The following CASD1 variants were observed in gnomAD, a reference collection of about 807,000 sequenced individuals.
CASD1 encodes the protein CAS1 domain sialic acid O acetyltransferase 1, also known as N-acetylneuraminate (7)9-O-acetyltransferase.
CASD1 carries 41 observed loss-of-function variants against 100.0 expected under a neutral mutation model. That is an observed-to-expected ratio of 0.41 (90% confidence interval 0.32 to 0.53). CASD1 has a LOEUF of 0.53. Ranked by LOEUF, CASD1 falls within the 20% of genes least tolerant of loss-of-function variation. The probability of loss-of-function intolerance (pLI) is 0.25; values close to 1 mark genes in which losing one functional copy is unlikely to be tolerated. For synonymous variants in CASD1, 321 were observed against 315.6 expected, an observed-to-expected ratio of 1.02 and a Z score of -0.18; for missense variants, 774 against 948.7, an observed-to-expected ratio of 0.82 and a Z score of 2.42.
intron 1 of CASD1, among the ~76,000 whole-genome samples, chr7:94,517,105 T>C (rs909791035): frequency 6.6e-6 from 1 of 152,134 alleles, no homozygotes; most frequent in Non-Finnish European, 1.5e-5. Flanking sequence ...TGTTTCACCA[T>C]GTTGGCCAGG....
rs749920223 is a variant in CASD1 at position 94,554,553 on chromosome 7, G to C, written c.2105G>C (p.Trp702Ser). 24 of 1,610,502 alleles carry C rather than the reference G, an allele frequency of 1.5e-5. No homozygotes were observed. The South Asian group carries it at 1.5e-4, about 10-fold the overall frequency. The change falls in exon 17 of 18, where the codon TGG (tryptophan) becomes TCG (serine). Residue 702 changes from tryptophan (W) to serine (S), a missense_variant. By Grantham distance (177) the Trp-to-Ser change is radical. Transcript: ENST00000297273. ...ARSVYSSFFAWFGKISLELFI... is the reference protein window; with the variant it reads ...ARSVYSSFFASFGKISLELFI... ...TCAGTTTACAGTTCATTTTTTGCTT[G>C]GTTTGGAAAAATTTCATTAGAGGTT... is the stretch of plus-strand genomic sequence containing the variant.
chr7:94,593,867 A>G, the CASD1 span, among the ~76,000 whole-genome samples: 3 of 152,068 alleles, frequency 2.0e-5, no homozygotes, highest in Non-Finnish European at 4.4e-5. Flanking sequence ...GGATTTTCCA[A>G]TCCTGAAACT....
chr7:94,529,210 T>TCC (rs1794730279), intron 5 of CASD1, among the ~76,000 whole-genome samples: 2 of 152,222 alleles, frequency 1.3e-5, no homozygotes, highest in African/African-American at 2.4e-5. Flanking sequence ...TTTGAAATTA[T>TCC]TTAAGCATAT....
At chr7:94,554,682 G>T in intron 17 of CASD1, 107 bp downstream of exon 17, 1 of 589,454 alleles carries the variant, frequency 1.7e-6, no homozygotes. Context: ...ATGAAAATCG[G>T]ACGTACTTTT....
At chr7:94,587,664 C>G in the CASD1 span, 1 of 1,506,050 alleles carries the variant, frequency 6.6e-7, no homozygotes, top group Non-Finnish European at 8.8e-7. Context: ...ATATATTGAA[C>G]AGTCTTGTTG....
At chr7:94,622,085 C>T in the CASD1 span, 1 of 152,102 alleles carries the variant, frequency 6.6e-6, no homozygotes, top group African/African-American at 2.4e-5. Flanking sequence ...TCTTTCATAT[C>T]GTGTAAAAGT....
At chr7:94,597,390 A>T in the CASD1 span, 1 of 152,158 alleles carries the variant, frequency 6.6e-6, no homozygotes, top group Admixed American at 6.5e-5. Flanking sequence ...TAGTCTATCT[A>T]TACTACTTAT....
chr7:94,629,795 T>C, the CASD1 span: 2 of 1,610,782 alleles, frequency 1.2e-6, no homozygotes, highest in African/African-American at 2.7e-5. Context: ...CACCTGCTGA[T>C]GGGTATACAT....
At chr7:94,510,341 G>C in intron 1 of CASD1, 124 bp downstream of exon 1, 1 of 730,944 alleles carries the variant, frequency 1.4e-6, no homozygotes, top group Non-Finnish European at 1.9e-6. Context: ...CCGCGGGGGA[G>C]GCGGTTCCCC....
chr7:94,584,906 T>A, the CASD1 span: 2 of 152,270 alleles, frequency 1.3e-5, no homozygotes, highest in African/African-American at 2.4e-5. Context: ...AATATCTGAT[T>A]ATGAAGTCAA....
At chr7:94,577,044 A>G in the CASD1 span, among the ~76,000 whole-genome samples, 2 of 152,292 alleles carry the variant, frequency 1.3e-5, no homozygotes, top group Admixed American at 6.5e-5. Flanking sequence ...TATTAGTCTC[A>G]TACTTGCATT....
At chr7:94,575,847 T>G in the CASD1 span, among the ~76,000 whole-genome samples, 1 of 152,220 alleles carries the variant, frequency 6.6e-6, no homozygotes, top group Non-Finnish European at 1.5e-5. Context: ...AAATCCACTG[T>G]TAATCTTGTT....
chr7:94,542,379 A>G (rs1296627214), intron 10 of CASD1, among the ~76,000 whole-genome samples: 2 of 152,230 alleles, frequency 1.3e-5, no homozygotes, highest in Admixed American at 6.5e-5. Flanking sequence ...ACCACATTAA[A>G]TATGATTAAT....
chr7:94,554,347 A>G, intron 16 of CASD1, 136 bp from the exon 17 acceptor site: 1 of 568,988 alleles, frequency 1.8e-6, no homozygotes, highest in Non-Finnish European at 3.0e-6. Flanking sequence ...TAATACTTTT[A>G]GAATATAAAA....
intron 4 of CASD1, among the ~76,000 whole-genome samples, chr7:94,527,454 T>C (rs1794632221): frequency 6.6e-6 from 1 of 152,150 alleles, no homozygotes; most frequent in African/African-American, 2.4e-5. Context: ...TATATGTGAA[T>C]TTTCTGAATT....
At chr7:94,624,150 T>A in the CASD1 span, 1 of 372,052 alleles carries the variant, frequency 2.7e-6, no homozygotes. Flanking sequence ...TTCGGACACA[T>A]CTGCAGTACC....
chr7:94,535,261 C>G, intron 7 of CASD1, 48 bp from the exon 8 acceptor site: 1 of 1,394,990 alleles, frequency 7.2e-7, no homozygotes, highest in Non-Finnish European at 1.0e-6. Context: ...CAATTTTTAC[C>G]AATAGGGATT....
the CASD1 span, chr7:94,623,418 T>C: frequency 2.0e-6 from 3 of 1,484,622 alleles, no homozygotes; most frequent in Non-Finnish European, 1.9e-6. Flanking sequence ...AGGAAAACCA[T>C]ATTAAAGAAG....
the CASD1 span, chr7:94,588,613 A>AT: frequency 1.9e-6 from 3 of 1,555,036 alleles, no homozygotes; most frequent in Non-Finnish European, 2.6e-6. Context: ...AGCTTCATAA[A>AT]TTATATAGTG....
Sources: gnomAD v4.1 joint callset for allele counts (sites outside exome capture counted in the v4.1 genomes callset) on GRCh38, gnomAD v4.1.1 for gene constraint, MANE v1.5 for transcripts, NCBI Gene and HGNC (gene_info 2026-07-23, HGNC 2026-07-21) for gene names.